Variants in ESR1 observed in about 807,000 individuals in gnomAD.
ESR1 encodes the protein estrogen receptor.
Under a neutral mutation model 52.7 loss-of-function variants are expected in ESR1, and 12 were observed. The observed-to-expected ratio is 0.23, with a 90% confidence interval of 0.15 to 0.37. The LOEUF is 0.37. Ranked by LOEUF, ESR1 falls within the 10% of genes least tolerant of loss-of-function variation. The pLI, the probability that ESR1 is intolerant of heterozygous loss-of-function variation, is 1.00. For missense variants in ESR1, 584 were observed against 779.7 expected, an observed-to-expected ratio of 0.75 and a Z score of 2.99; for synonymous variants, 305 against 316.8, an observed-to-expected ratio of 0.96 and a Z score of 0.39.
intron 2 of ESR1, among the ~76,000 whole-genome samples, chr6:151,750,542 C>T (rs1293796116): frequency 1.3e-5 from 2 of 152,070 alleles, no homozygotes; most frequent in Non-Finnish European, 2.9e-5. Context: ...GAACATTTCC[C>T]AGGTGTCTAA....
At chr6:152,114,890 C>CA (rs60553265) in intron 6 of ESR1, among the ~76,000 whole-genome samples, 4,134 of 41,118 alleles carry the variant, frequency 0.1, 929 homozygotes, top group East Asian at 0.38. Context: ...GACTCCGTCT[C>CA]AAAAAAAAAA....
chr6:151,853,231 GA>G (rs1292955964), intron 2 of ESR1, among the ~76,000 whole-genome samples: 2 of 116,930 alleles, frequency 1.7e-5, no homozygotes, highest in Non-Finnish European at 3.7e-5. Flanking sequence ...AAGAAAGAAA[GA>G]GAAAGAAAGG....
intron 2 of ESR1, among the ~76,000 whole-genome samples, chr6:151,765,142 C>A (rs1459446560): frequency 6.6e-6 from 1 of 151,956 alleles, no homozygotes; most frequent in Non-Finnish European, 1.5e-5. Context: ...AAAAATATTA[C>A]ATTCTTTTGG....
intron 6 of ESR1, among the ~76,000 whole-genome samples, chr6:152,080,808 T>G (rs539526707): frequency 6.6e-6 from 1 of 151,628 alleles, no homozygotes; most frequent in South Asian, 2.1e-4. Context: ...GAAAATCTAC[T>G]GAGCAAATGG....
chr6:152,053,779 T>C lies in ESR1; in HGVS notation c.1236-7212T>C, dbSNP rs2046882707. ...ATGCTTTCATGGAGGCCGTGTAAAT[T>C]GGTATAACCTTTTTGGAAGGCGTTT... On this transcript the variant is annotated intron_variant, in intron 5 of 7. Transcript: ENST00000206249. This position sits in a 1 kb window ranked among gnomAD's most constrained non-coding sequence, Gnocchi z 4.1. Among the ~76,000 whole-genome samples the C allele has an allele frequency of 6.6e-6, 1 of 152,144 alleles. No homozygotes were observed. Among genetic ancestry groups the C allele is most frequent in the Admixed American group, 6.6e-5 (1 of 15,262 alleles).
At chr6:151,948,070 T>G (rs1448065534) in intron 4 of ESR1, among the ~76,000 whole-genome samples, 1 of 152,194 alleles carries the variant, frequency 6.6e-6, no homozygotes, top group African/African-American at 2.4e-5. Context: ...AACTAGTCAA[T>G]AAATGTAATA....
intron 3 of ESR1, among the ~76,000 whole-genome samples, chr6:151,883,453 G>GGCTA (rs1487414955): frequency 6.6e-6 from 1 of 151,840 alleles, no homozygotes; most frequent in Non-Finnish European, 1.5e-5. Flanking sequence ...CTAGGCTTGT[G>GGCTA]GCTAGCCGTC....
intron 4 of ESR1, chr6:151,984,044 G>A (rs185382057): frequency 5.3e-5 from 8 of 152,056 alleles, no homozygotes; most frequent in Admixed American, 2.6e-4. Context: ...AAGATGAGGC[G>A]CACAGACAGA....
chr6:151,671,935 T>C (rs564432604), intron 1 of ESR1, among the ~76,000 whole-genome samples: 4 of 152,282 alleles, frequency 2.6e-5, no homozygotes, highest in African/African-American at 9.6e-5. Context: ...GAGGTTGCAG[T>C]GAGCCTAGAT....
At chr6:151,663,624 G>A (rs1376843030) in intron 1 of ESR1, among the ~76,000 whole-genome samples, 1 of 152,088 alleles carries the variant, frequency 6.6e-6, no homozygotes, top group African/African-American at 2.4e-5. Flanking sequence ...TTTTGTCTGA[G>A]CTTTCACTGT....
At chr6:152,032,264 C>A (rs1208210061) in intron 5 of ESR1, among the ~76,000 whole-genome samples, 2 of 152,146 alleles carry the variant, frequency 1.3e-5, no homozygotes, top group South Asian at 2.1e-4. Flanking sequence ...CACTCCTATT[C>A]AACATAGTGT....
intron 1 of ESR1, 117 bp downstream of exon 1, chr6:151,808,481 A>C (rs1778245441): frequency 8.5e-6 from 8 of 940,332 alleles, no homozygotes; most frequent in Non-Finnish European, 1.1e-5. Flanking sequence ...GCGCGACCCG[A>C]GGGTGCGCGC....
At chr6:152,033,914 G>A (rs2045001872) in intron 5 of ESR1, among the ~76,000 whole-genome samples, 1 of 151,764 alleles carries the variant, frequency 6.6e-6, no homozygotes, top group African/African-American at 2.4e-5. Flanking sequence ...ACAATGATCT[G>A]GATTAAGAAA....
intron 6 of ESR1, among the ~76,000 whole-genome samples, chr6:152,077,138 T>C (rs889819465): frequency 2.0e-5 from 3 of 152,136 alleles, no homozygotes; most frequent in Admixed American, 2.0e-4. Flanking sequence ...AGGGTCCCCA[T>C]GCTGTGTGCA....
At chr6:151,686,064 A>ATTTTTTTTTTTTTTTTTTTTTT (rs557270210), upstream of ESR1, among the ~76,000 whole-genome samples, 55 of 114,322 alleles carry the variant, frequency 4.8e-4, 3 homozygotes, top group African/African-American at 2.1e-3. Context: ...AATTAAAACA[A>ATTTTTTTTTTTTTTTTTTTTTT]TTTTTTTTTT....
At chr6:152,070,644 C>T (rs2048284070) in intron 6 of ESR1, among the ~76,000 whole-genome samples, 1 of 138,538 alleles carries the variant, frequency 7.2e-6, no homozygotes, top group Admixed American at 6.7e-5. Flanking sequence ...CCATCGCTCC[C>T]TCCAACTGCT....
At chr6:151,687,190 T>A (rs1308568580), upstream of ESR1, among the ~76,000 whole-genome samples, 1 of 152,192 alleles carries the variant, frequency 6.6e-6, no homozygotes, top group Non-Finnish European at 1.5e-5. Context: ...TGGTTGGGTG[T>A]CTCACCATGG....
chr6:152,123,517 T>TTA (rs2052197733), intron 6 of ESR1, among the ~76,000 whole-genome samples: 1 of 152,256 alleles, frequency 6.6e-6, no homozygotes, highest in Non-Finnish European at 1.5e-5. Flanking sequence ...TTCAGAACTC[T>TTA]TAAGAAGGAC....
chr6:151,773,298 A>G (rs1583218658), intron 2 of ESR1, among the ~76,000 whole-genome samples: 1 of 152,226 alleles, frequency 6.6e-6, no homozygotes, highest in South Asian at 2.1e-4. Flanking sequence ...CAGATTTTCT[A>G]TCACAGCCCT....
Sources: gnomAD v4.1 joint callset for allele counts (sites outside exome capture counted in the v4.1 genomes callset) on GRCh38, gnomAD v4.1.1 for gene constraint, Gnocchi (gnomAD v3.1) non-coding constraint, MANE v1.5 for transcripts, NCBI Gene and HGNC (gene_info 2026-07-23, HGNC 2026-07-21) for gene names.